The following CORO1C variants were observed in gnomAD, a reference collection of about 807,000 sequenced individuals.
The protein encoded by CORO1C is coronin 1C.
A neutral mutation model predicts 51.2 loss-of-function variants in CORO1C; 14 were observed. The observed-to-expected ratio is 0.27, with a 90% CI of 0.18 to 0.43. The LOEUF (loss-of-function observed/expected upper bound fraction) is 0.43, where lower values mean the gene tolerates loss of function less well. CORO1C is among the 20% of genes least tolerant of loss of function. The pLI is 1.00. For synonymous variants in CORO1C, 181 were observed against 210.5 expected (o/e 0.86, Z 1.21); for missense variants, 417 against 607.8 (o/e 0.69, Z 3.30).
At chr12:108,713,567 A>G (rs2035243316) in intron 1 of CORO1C, among the ~76,000 whole-genome samples, 1 of 152,232 alleles carries the variant, frequency 6.6e-6, no homozygotes, top group African/African-American at 2.4e-5. Flanking sequence ...AATAAGATCT[A>G]CCAAGAAGCC....
At chr12:108,728,989 CAAAGGTA>C (rs1267495771) in intron 1 of CORO1C, among the ~76,000 whole-genome samples, 5 of 152,216 alleles carry the variant, frequency 3.3e-5, no homozygotes, top group African/African-American at 1.2e-4. Context: ...GAAAAGAGGT[CAAAGGTA>C]AAACAGACCA....
intron 2 of CORO1C, among the ~76,000 whole-genome samples, chr12:108,693,582 C>A (rs745893313): frequency 2.0e-5 from 3 of 152,174 alleles, no homozygotes; most frequent in Non-Finnish European, 4.4e-5. Context: ...GGATTTTCTA[C>A]CAAAAAGCTA....
At chr12:108,652,495 C>T in intron 7 of CORO1C, 78 bp from the exon 8 acceptor site, 2 of 1,208,260 alleles carry the variant, frequency 1.7e-6, no homozygotes, top group Middle Eastern at 2.0e-4. Context: ...CTCTCCTCTA[C>T]AAACCCAGCA....
At chr12:108,708,467 T>G (rs899704421) in intron 1 of CORO1C, among the ~76,000 whole-genome samples, 6 of 151,918 alleles carry the variant, frequency 3.9e-5, no homozygotes, top group South Asian at 2.1e-4. Flanking sequence ...TTAGAGTTTT[T>G]TTTTTTTTTT....
chr12:108,678,351 G>A lies in CORO1C; in HGVS notation c.239C>T (p.Thr80Ile). ...DKSYPTVCGH[T>I]GPVLDIDWCP... ...CCAGTCTATGTCCAGCACTGGTCCT[G>A]TGTGGCCACATACTGTAGGGTAAGA... Residue 80 changes from threonine (T) to isoleucine (I), a missense_variant, in exon 3 of 11, where the codon ACA becomes ATA. Transcript: ENST00000261401. 6.2e-7 allele frequency: 1 copy of A among 1,606,274 alleles called. No individual in the cohort carries two copies. The highest frequency in any genetic ancestry group is 2.3e-5 in the East Asian group (1 of 44,202).
intron 6 of CORO1C, among the ~76,000 whole-genome samples, chr12:108,655,866 C>A (rs2032943765): frequency 6.6e-6 from 1 of 152,094 alleles, no homozygotes; most frequent in Non-Finnish European, 1.5e-5. Context: ...AGGAGCCCCT[C>A]TGCCCGGCTG....
intron 1 of CORO1C, 113 bp from the exon 2 acceptor site, chr12:108,701,436 C>T (rs2034867099): frequency 1.2e-5 from 18 of 1,519,110 alleles, no homozygotes; most frequent in Non-Finnish European, 1.6e-5. Context: ...ATTTTGTCTG[C>T]TCTCCTAAAA....
At chr12:108,723,193 T>C (rs1371103662) in intron 1 of CORO1C, among the ~76,000 whole-genome samples, 1 of 152,112 alleles carries the variant, frequency 6.6e-6, no homozygotes, top group Non-Finnish European at 1.5e-5. Context: ...TCCTAATAAA[T>C]CCCTCTGCTT....
intron 3 of CORO1C, among the ~76,000 whole-genome samples, chr12:108,663,931 G>T (rs1380285798): frequency 6.6e-6 from 1 of 152,166 alleles, no homozygotes; most frequent in African/African-American, 2.4e-5. Flanking sequence ...CTGGGCACAG[G>T]GGGAGAAAGG....
intron 3 of CORO1C, among the ~76,000 whole-genome samples, chr12:108,664,149 C>T (rs535821140): frequency 6.6e-6 from 1 of 152,244 alleles, no homozygotes; most frequent in Non-Finnish European, 1.5e-5. Flanking sequence ...TTATCTTCTA[C>T]ATGAAGATTA....
chr12:108,706,158 G>C (rs2035022723), intron 1 of CORO1C, among the ~76,000 whole-genome samples: 1 of 137,666 alleles, frequency 7.3e-6, no homozygotes, highest in Non-Finnish European at 1.5e-5. Context: ...CTGCACTCCA[G>C]TCTGGGCAAC....
intron 3 of CORO1C, among the ~76,000 whole-genome samples, chr12:108,662,951 A>C (rs960952931): frequency 2.0e-5 from 3 of 152,232 alleles, no homozygotes; most frequent in African/African-American, 7.2e-5. Flanking sequence ...CATAGCCTGA[A>C]TATAGAAAGA....
chr12:108,676,375 T>C (rs1191825150), intron 3 of CORO1C, among the ~76,000 whole-genome samples: 1 of 152,046 alleles, frequency 6.6e-6, no homozygotes, highest in African/African-American at 2.4e-5. Context: ...ATACACACTA[T>C]TTTTTTTAAA....
intron 1 of CORO1C, among the ~76,000 whole-genome samples, chr12:108,714,029 A>G (rs947023941): frequency 6.6e-6 from 1 of 152,230 alleles, no homozygotes; most frequent in African/African-American, 2.4e-5. Flanking sequence ...TGACCAAGGA[A>G]GCAAATCTTA....
At chr12:108,699,887 G>A (rs2136863725) in intron 2 of CORO1C, among the ~76,000 whole-genome samples, 1 of 152,132 alleles carries the variant, frequency 6.6e-6, no homozygotes, top group East Asian at 1.9e-4. Context: ...CCCTTCTTCG[G>A]TTAGGAGATG....
chr12:108,654,705 CTTT>C (rs1003628138), intron 6 of CORO1C, among the ~76,000 whole-genome samples: 1 of 142,688 alleles, frequency 7.0e-6, no homozygotes, highest in Non-Finnish European at 1.5e-5. Context: ...TTTTCTTTTT[CTTT>C]TTTTTTTTTT....
rs1163703701 is a variant in CORO1C at position 108,705,459 on chromosome 12, C to CAAAA, written c.-5-4140_-5-4137dup. On this transcript the variant is annotated intron_variant, in intron 1 of 10. Coordinates refer to ENST00000261401, the MANE Select transcript of CORO1C (RefSeq NM_014325.4). ...TAGGTGACAGAGCAAGACCCTGTCT[C>CAAAA]AAAAAAAAAAAAAAAAAAAAAAAGA... Among the ~76,000 whole-genome samples, 437 of 62,658 alleles carry CAAAA rather than the reference C, an allele frequency of 7.0e-3. 7 individuals are homozygous for CAAAA. The highest frequency in any genetic ancestry group is 0.027 in the Middle Eastern group (2 of 74). The allele number at this position is 62,658 out of a possible 152,430, so 41.1% of individuals were successfully genotyped here.
At chr12:108,663,498 A>T (rs1341896083) in intron 3 of CORO1C, among the ~76,000 whole-genome samples, 2 of 152,266 alleles carry the variant, frequency 1.3e-5, no homozygotes, top group Non-Finnish European at 2.9e-5. Context: ...TTATTTGGCC[A>T]TAAAAAAGAA....
chr12:108,700,893 A>G lies in CORO1C; in HGVS notation c.195+231T>C, dbSNP rs572555214. ...CCCATGCTCACAACATCGTTATAAT[A>G]ATTTTTTCATCCATAGAGGGCATCC... On this transcript the variant is annotated intron_variant, in intron 2 of 10. Transcript: ENST00000261401. The G allele has an allele frequency of 2.1e-4, 100 of 468,190 alleles. 2 individuals are homozygous for G. The South Asian group carries it at 3.4e-3, about 16-fold the overall frequency. 29.0% of individuals were successfully genotyped at this position (468,190 alleles called of 1,614,324 possible). A position where few individuals can be genotyped will look rare whatever the true frequency, so the allele number is the denominator to read the frequency against.
Sources: gnomAD v4.1 joint callset for allele counts (sites outside exome capture counted in the v4.1 genomes callset) on GRCh38, gnomAD v4.1.1 for gene constraint, MANE v1.5 for transcripts, NCBI Gene and HGNC (gene_info 2026-07-23, HGNC 2026-07-21) for gene names.